Variants in SYT16 observed in about 807,000 individuals in gnomAD.
SYT16 encodes synaptotagmin-16.
Under a neutral mutation model 61.4 loss-of-function variants are expected in SYT16, and 42 were observed. The observed-to-expected ratio is 0.68, with a 90% CI of 0.53 to 0.89. SYT16 has a LOEUF of 0.89. Ranked by LOEUF, SYT16 falls within the 40% of genes least tolerant of loss-of-function variation. SYT16 has a pLI of 0.00. For missense variants in SYT16, 804 were observed against 807.3 expected, an observed-to-expected ratio of 1.00 and a Z score of 0.05; for synonymous variants, 314 against 302.3, an observed-to-expected ratio of 1.04 and a Z score of -0.40.
intron 3 of SYT16, among the ~76,000 whole-genome samples, chr14:62,016,188 T>C (rs1201351995): frequency 6.6e-6 from 1 of 152,190 alleles, no homozygotes; most frequent in African/African-American, 2.4e-5. Context: ...ACTCCAGCTA[T>C]GGAAATGAAG....
intron 3 of SYT16, among the ~76,000 whole-genome samples, chr14:62,035,821 A>T (rs1405717069): frequency 1.3e-5 from 2 of 152,212 alleles, no homozygotes; most frequent in Non-Finnish European, 2.9e-5. Context: ...TTAAGCACCC[A>T]TTGTGCTGGT....
intron 1 of SYT16, among the ~76,000 whole-genome samples, chr14:61,869,109 T>C (rs1393174236): frequency 2.6e-5 from 4 of 152,050 alleles, no homozygotes; most frequent in African/African-American, 7.2e-5. Flanking sequence ...TTTCGGTTAG[T>C]TTTAGTGTGG....
Position 62,079,402 on chromosome 14 carries a change from A to G in SYT16, c.994-1432A>G, listed in dbSNP as rs1379051308. ...ATGTCTACTGTCTGTCAAGTCCTCTACTTTTTACAACATCCCTACACAGAA... is the reference window on the plus strand; with the variant it reads ...ATGTCTACTGTCTGTCAAGTCCTCTGCTTTTTACAACATCCCTACACAGAA... On this transcript the variant is annotated intron_variant, in intron 5 of 7. Transcript: ENST00000683842. The G allele has an allele frequency of 3.5e-6, 4 of 1,137,508 alleles. No individual in the cohort carries two copies. In the East Asian group the frequency reaches 2.3e-4, roughly 66 times the overall value. 70.5% of individuals were successfully genotyped at this position (1,137,508 alleles called of 1,614,324 possible).
intron 1 of SYT16, chr14:61,865,046 C>A: frequency 7.1e-7 from 1 of 1,407,374 alleles, no homozygotes; most frequent in Non-Finnish European, 1.0e-6. Flanking sequence ...TATTCGGCTG[C>A]GGAGCTGCAG....
intron 3 of SYT16, among the ~76,000 whole-genome samples, chr14:62,048,432 T>C (rs2055102599): frequency 1.3e-5 from 2 of 152,214 alleles, no homozygotes; most frequent in African/African-American, 4.8e-5. Context: ...AACCAGCTCC[T>C]GGATTCATTG....
At position 62,028,391 on chromosome 14, in the gene SYT16, A is replaced by G. The variant is rs544327506; in HGVS notation, c.523+31849A>G. 2.0e-4 allele frequency among the ~76,000 whole-genome samples: 31 copies of G among 152,344 alleles called. 1 individual carries two copies. In the South Asian group the frequency reaches 6.0e-3, roughly 30 times the overall value. ...TCCCAACAATTCTGTAAATACTATTAACTCCATTTTACAAAAGAGGAAGCT... is the reference window on the plus strand; with the variant it reads ...TCCCAACAATTCTGTAAATACTATTGACTCCATTTTACAAAAGAGGAAGCT... On this transcript the variant is annotated intron_variant, in intron 3 of 7. Transcript: ENST00000683842.
rs1329934417 is a variant in SYT16, at chr14:62,103,429, AAAT to A, written c.*2727_*2729del. The A allele has an allele frequency of 6.6e-6, 1 of 152,154 alleles. No homozygotes were observed. Among genetic ancestry groups the A allele is most frequent in the Non-Finnish European group, 1.5e-5 (1 of 68,034 alleles). The allele number at this position is 152,154 out of a possible 1,614,324, so 9.4% of individuals were successfully genotyped here. ...ATTTTGCCTGAAGAGCATGCTTTTA[AAAT>A]AATATCGTTAAGAGTAAATGATGCG... is the stretch of plus-strand genomic sequence containing the variant. On this transcript the variant is annotated 3_prime_UTR_variant, in exon 8 of 8. Coordinates refer to ENST00000683842, the MANE Select transcript of SYT16 (RefSeq NM_001367656.1).
In SYT16 at chr14:61,986,313, T is replaced by C. The variant is rs543968272; in HGVS notation, c.-144-9563T>C. Among the ~76,000 whole-genome samples, 397 of 152,024 alleles carry C rather than the reference T, an allele frequency of 2.6e-3. 2 individuals are homozygous for C. Among genetic ancestry groups the C allele is most frequent in the Non-Finnish European group, 4.7e-3 (319 of 67,948 alleles). On this transcript the variant is annotated intron_variant, in intron 2 of 7. Coordinates refer to ENST00000683842, the MANE Select transcript of SYT16 (RefSeq NM_001367656.1). ...TCAAAAGACTAATAAATGCCAAATT[T>C]ATGATGTCTGAATTAATACAATTTA...
At chr14:61,898,744 G>T (rs748304298) in intron 1 of SYT16, among the ~76,000 whole-genome samples, 1 of 152,154 alleles carries the variant, frequency 6.6e-6, no homozygotes, top group African/African-American at 2.4e-5. Context: ...GACAGGGACG[G>T]TCTCTGCTCA....
intron 1 of SYT16, among the ~76,000 whole-genome samples, chr14:61,895,800 A>C (rs2048303386): frequency 6.6e-6 from 1 of 152,190 alleles, no homozygotes; most frequent in African/African-American, 2.4e-5. Flanking sequence ...TATTACCCTG[A>C]ATTGTAAAAA....
At chr14:61,912,606 C>G (rs1333778007) in intron 1 of SYT16, among the ~76,000 whole-genome samples, 3 of 152,126 alleles carry the variant, frequency 2.0e-5, no homozygotes, top group Non-Finnish European at 2.9e-5. Flanking sequence ...GTTGAGTGCT[C>G]TACGAGGAGT....
chr14:61,888,955 C>CT (rs2048021515), intron 1 of SYT16, among the ~76,000 whole-genome samples: 1 of 152,056 alleles, frequency 6.6e-6, no homozygotes, highest in Non-Finnish European at 1.5e-5. Context: ...GGTACAAGGA[C>CT]TTAGGATCAC....
chr14:61,833,406 C>A (rs960495709), intron 1 of SYT16, among the ~76,000 whole-genome samples: 2 of 151,608 alleles, frequency 1.3e-5, no homozygotes, highest in Non-Finnish European at 1.5e-5. Flanking sequence ...GATTTTCCTG[C>A]CTCAGCCTCC....
rs115738413 is a variant in SYT16 at position 62,056,286 on chromosome 14, T to C, written c.524-13317T>C. On this transcript the variant is annotated intron_variant, in intron 3 of 7. Transcript: ENST00000683842. ...GGGTGTCACCAGCCCCTTCTTATGC[T>C]GGTGGAGGAGGGCGATTTGGTACCA... 3.3e-3 allele frequency among the ~76,000 whole-genome samples: 504 copies of C among 152,306 alleles called. 3 individuals are homozygous for C. Among genetic ancestry groups the C allele is most frequent in the African/African-American group, 0.01 (416 of 41,578 alleles).
intron 1 of SYT16, among the ~76,000 whole-genome samples, chr14:61,815,814 T>A (rs1235442950): frequency 3.9e-5 from 6 of 152,256 alleles, no homozygotes; most frequent in Non-Finnish European, 7.3e-5. Flanking sequence ...GATAATATTT[T>A]GTTTCCAGAA....
In SYT16 at chr14:62,030,236, G is replaced by T. The variant is rs900870580; in HGVS notation, c.523+33694G>T. Among the ~76,000 whole-genome samples, 3 of 152,262 alleles carry T rather than the reference G, an allele frequency of 2.0e-5. No individual in the cohort carries two copies. In the East Asian group the frequency reaches 5.8e-4, roughly 29 times the overall value. ...TCAGATTAAAGCCATTTTTGCCAATGTCTCTGACTCCGTATTTTGATCAAT... is the reference window on the plus strand; with the variant it reads ...TCAGATTAAAGCCATTTTTGCCAATTTCTCTGACTCCGTATTTTGATCAAT... On this transcript the variant is annotated intron_variant, in intron 3 of 7. Transcript: ENST00000683842.
intron 1 of SYT16, among the ~76,000 whole-genome samples, chr14:61,825,124 G>C (rs1242731915): frequency 6.6e-6 from 1 of 152,172 alleles, no homozygotes; most frequent in Non-Finnish European, 1.5e-5. Context: ...CTAGCATCTT[G>C]AAAAATGAAG....
At chr14:62,030,037 G>A (rs1318405730) in intron 3 of SYT16, among the ~76,000 whole-genome samples, 1 of 152,130 alleles carries the variant, frequency 6.6e-6, no homozygotes. Context: ...GCAGCTGGTA[G>A]CTGACCACCC....
intron 6 of SYT16, among the ~76,000 whole-genome samples, chr14:62,081,556 C>G (rs2056708325): frequency 6.6e-6 from 1 of 152,014 alleles, no homozygotes; most frequent in Non-Finnish European, 1.5e-5. Context: ...GTGGCTTGGC[C>G]CTCTGGATTG....
Sources: allele counts gnomAD v4.1 joint callset (sites outside exome capture counted in the v4.1 genomes callset), GRCh38; gene constraint gnomAD v4.1.1; transcripts MANE v1.5; gene names NCBI Gene and HGNC (gene_info 2026-07-23, HGNC 2026-07-21).